The following CDK14 variants were observed in gnomAD, a reference collection of about 807,000 sequenced individuals.
CDK14 encodes cyclin dependent kinase 14.
In CDK14, 34 loss-of-function variants were observed where a neutral mutation model predicts 60.7. The ratio of observed to expected loss-of-function variants is 0.56; its 90% CI spans 0.43 to 0.75. The LOEUF (loss-of-function observed/expected upper bound fraction) is 0.75, where lower values mean the gene tolerates loss of function less well. CDK14 is among the 30% of genes least tolerant of loss of function. CDK14 has a pLI of 0.00. For missense variants in CDK14, 482 were observed against 564.1 expected, an observed-to-expected ratio of 0.85 and a Z score of 1.47; for synonymous variants, 197 against 203.7, an observed-to-expected ratio of 0.97 and a Z score of 0.28.
At chr7:91,172,516 A>C (rs1801554005) in intron 14 of CDK14, among the ~76,000 whole-genome samples, 1 of 152,204 alleles carries the variant, frequency 6.6e-6, no homozygotes, top group Non-Finnish European at 1.5e-5. Context: ...ATTTATTTCC[A>C]AAACTCCAAA....
intron 5 of CDK14, among the ~76,000 whole-genome samples, chr7:90,821,344 T>G (rs1172261904): frequency 1.3e-5 from 2 of 152,078 alleles, no homozygotes; most frequent in Non-Finnish European, 2.9e-5. Context: ...CTGGGTTGAG[T>G]TTTTAGATTT....
At chr7:90,744,740 G>A (rs1298414589) in intron 3 of CDK14, among the ~76,000 whole-genome samples, 1 of 134,344 alleles carries the variant, frequency 7.4e-6, no homozygotes, top group Non-Finnish European at 1.6e-5. Context: ...CTCACCTCCC[G>A]GACGGGGCGG....
chr7:90,660,105 G>A (rs1446402112), intron 2 of CDK14, among the ~76,000 whole-genome samples: 1 of 152,150 alleles, frequency 6.6e-6, no homozygotes, highest in Non-Finnish European at 1.5e-5. Context: ...ATGGTTTACA[G>A]TGCTTCTGTA....
chr7:90,662,958 A>T (rs1034671936), intron 2 of CDK14, among the ~76,000 whole-genome samples: 1 of 152,160 alleles, frequency 6.6e-6, no homozygotes, highest in Non-Finnish European at 1.5e-5. Context: ...AGATGTGAGC[A>T]TGTACTTTAC....
intron 2 of CDK14, among the ~76,000 whole-genome samples, chr7:90,634,046 A>G (rs940780829): frequency 2.0e-5 from 3 of 152,224 alleles, no homozygotes; most frequent in Non-Finnish European, 4.4e-5. Flanking sequence ...TTTATAGAGC[A>G]AAAGAAAATG....
chr7:90,945,841 G>A (rs915459110), intron 8 of CDK14, among the ~76,000 whole-genome samples: 7 of 152,184 alleles, frequency 4.6e-5, no homozygotes, highest in African/African-American at 1.7e-4. Flanking sequence ...CTGAAGCTTA[G>A]CCCCAAATCA....
At chr7:90,695,032 G>C (rs1801626467) in intron 2 of CDK14, among the ~76,000 whole-genome samples, 1 of 152,250 alleles carries the variant, frequency 6.6e-6, no homozygotes, top group South Asian at 2.1e-4. Flanking sequence ...TTTGATTGCT[G>C]TTTCCCTGCT....
chr7:90,948,842 G>T (rs1226566559), intron 8 of CDK14, among the ~76,000 whole-genome samples: 1 of 152,188 alleles, frequency 6.6e-6, no homozygotes, highest in Non-Finnish European at 1.5e-5. Context: ...CCTAGATAGT[G>T]CCAGAACCTC....
chr7:91,084,854 G>A lies in CDK14; in HGVS notation c.1154+5374G>A, dbSNP rs7784903. The stretch of plus-strand genomic sequence containing the variant: ...ATCCAAAAGTGCACGCTTACGATGC[G>A]GCTAATACCTTCCTCCTGCCATCCA... On this transcript the variant is annotated intron_variant, in intron 12 of 14. Transcript: ENST00000380050. Among the ~76,000 whole-genome samples, 670 of 152,222 alleles carry A rather than the reference G, an allele frequency of 4.4e-3. 2 individuals are homozygous for A. The highest frequency in any genetic ancestry group is 7.8e-3 in the Non-Finnish European group (533 of 68,020).
At chr7:91,080,857 TAGAATTAC>T (rs959807742) in intron 12 of CDK14, among the ~76,000 whole-genome samples, 1 of 152,196 alleles carries the variant, frequency 6.6e-6, no homozygotes, top group Admixed American at 6.5e-5. Flanking sequence ...AATAGGTAAT[TAGAATTAC>T]AGAATTACAG....
chr7:90,699,850 A>T (rs1801745719), intron 2 of CDK14, among the ~76,000 whole-genome samples: 1 of 152,166 alleles, frequency 6.6e-6, no homozygotes, highest in Non-Finnish European at 1.5e-5. Context: ...TCTTTCCTAA[A>T]TGATTAAGAG....
intron 13 of CDK14, among the ~76,000 whole-genome samples, chr7:91,115,315 G>A (rs950199653): frequency 6.6e-6 from 1 of 152,156 alleles, no homozygotes; most frequent in Admixed American, 6.5e-5. Flanking sequence ...TCGGTTCCTG[G>A]TAAGGTCTTT....
At chr7:90,888,702 C>A (rs896720652) in intron 6 of CDK14, among the ~76,000 whole-genome samples, 2 of 152,072 alleles carry the variant, frequency 1.3e-5, no homozygotes, top group Non-Finnish European at 2.9e-5. Flanking sequence ...TTCTTTCTTT[C>A]TACCCTGACT....
intron 4 of CDK14, among the ~76,000 whole-genome samples, chr7:90,769,933 C>G (rs969109467): frequency 2.0e-5 from 3 of 152,200 alleles, no homozygotes; most frequent in African/African-American, 7.2e-5. Context: ...AGGCATCTAT[C>G]CAAGGAAAAG....
At chr7:91,164,816 C>T (rs533372719) in intron 14 of CDK14, among the ~76,000 whole-genome samples, 34 of 152,120 alleles carry the variant, frequency 2.2e-4, no homozygotes, top group Non-Finnish European at 4.4e-4. Flanking sequence ...CAAACTGTGA[C>T]GTACTGAAGA....
At chr7:91,164,888 G>A (rs1385658073) in intron 14 of CDK14, among the ~76,000 whole-genome samples, 2 of 152,150 alleles carry the variant, frequency 1.3e-5, no homozygotes, top group Non-Finnish European at 2.9e-5. Flanking sequence ...ATCCCCTGGT[G>A]ATCCAAGGTT....
intron 10 of CDK14, among the ~76,000 whole-genome samples, chr7:91,016,053 A>G (rs949323455): frequency 1.3e-5 from 2 of 152,262 alleles, no homozygotes; most frequent in South Asian, 4.1e-4. Flanking sequence ...AGCAATGCCT[A>G]TATGAACCAT....
intron 9 of CDK14, among the ~76,000 whole-genome samples, chr7:90,983,555 C>T (rs1795293977): frequency 1.3e-5 from 2 of 151,964 alleles, no homozygotes; most frequent in African/African-American, 4.8e-5. Flanking sequence ...TGGCAGGCAC[C>T]TGTAGTCCCA....
At chr7:91,092,065 T>C (rs1240167941) in intron 12 of CDK14, among the ~76,000 whole-genome samples, 1 of 152,266 alleles carries the variant, frequency 6.6e-6, no homozygotes, top group East Asian at 1.9e-4. Flanking sequence ...TTTATTTCAG[T>C]TATAAAGGTG....
Sources: allele counts gnomAD v4.1 joint callset (sites outside exome capture counted in the v4.1 genomes callset), GRCh38; gene constraint gnomAD v4.1.1; transcripts MANE v1.5; gene names NCBI Gene and HGNC (gene_info 2026-07-23, HGNC 2026-07-21).